Variants in SPEN observed in about 807,000 individuals in gnomAD.
The protein encoded by SPEN is spen family transcriptional repressor, also known as msx2-interacting protein.
Under a neutral mutation model 269.9 loss-of-function variants are expected in SPEN, and 18 were observed. The observed-to-expected ratio is 0.07, with a 90% CI of 0.05 to 0.10. The LOEUF is 0.10. SPEN is among the 10% of genes least tolerant of loss of function. The probability of loss-of-function intolerance (pLI) is 1.00; values close to 1 mark genes in which losing one functional copy is unlikely to be tolerated. For synonymous variants in SPEN, 1,726 were observed against 1,765.7 expected (o/e 0.98, Z 0.56); for missense variants, 3,822 against 4,631.2 (o/e 0.83, Z 5.07).
At chr1:15,901,294 G>A (rs530719702) in intron 3 of SPEN, among the ~76,000 whole-genome samples, 15 of 150,396 alleles carry the variant, frequency 1.0e-4, no homozygotes, top group Admixed American at 5.3e-4. Flanking sequence ...CAGCCTGAGC[G>A]AAAGAGTAGA....
intron 1 of SPEN, among the ~76,000 whole-genome samples, chr1:15,871,936 T>C (rs1175625547): frequency 6.6e-6 from 1 of 152,154 alleles, no homozygotes; most frequent in African/African-American, 2.4e-5. Flanking sequence ...TAAAAACTTC[T>C]GAGAAGTGTA....
In SPEN at chr1:15,848,757, C is replaced by T. The variant is rs1033045683; in HGVS notation, c.83+607C>T. Among the ~76,000 whole-genome samples, 1 of 152,196 alleles carries T rather than the reference C, an allele frequency of 6.6e-6. No individual in the cohort carries two copies. The highest frequency in any genetic ancestry group is 2.4e-5 in the African/African-American group (1 of 41,448). ...AACTCACTGGGAATGGCAAACGTTT[C>T]TCGTTTTTGCGGGGCTGGGTGGAGA... On this transcript the variant is annotated intron_variant, in intron 1 of 14. Transcript: ENST00000375759. This position sits in a 1 kb window ranked among gnomAD's most constrained non-coding sequence, Gnocchi z 5.1.
chr1:15,884,001 G>C (rs1179475100), intron 3 of SPEN, among the ~76,000 whole-genome samples: 2 of 151,806 alleles, frequency 1.3e-5, no homozygotes, highest in Admixed American at 1.3e-4. Flanking sequence ...AGTAGAGATG[G>C]GGGTTTCATC....
intron 9 of SPEN, 104 bp from the exon 10 acceptor site, chr1:15,922,145 A>G (rs974065293): frequency 6.2e-6 from 5 of 810,370 alleles, no homozygotes; most frequent in African/African-American, 5.2e-5. Flanking sequence ...GTTTCCTGAA[A>G]TTTTCTCAGA....
intron 1 of SPEN, among the ~76,000 whole-genome samples, chr1:15,862,327 T>C (rs779215597): frequency 4.6e-5 from 7 of 152,234 alleles, no homozygotes; most frequent in Non-Finnish European, 8.8e-5. Flanking sequence ...AAGTACTATG[T>C]AAATCAGATA....
chr1:15,889,164 C>CTTTTTTTTTTT (rs56721891), intron 3 of SPEN, among the ~76,000 whole-genome samples: 1 of 124,926 alleles, frequency 8.0e-6, no homozygotes. Context: ...CTTTTCTTTT[C>CTTTTTTTTTTT]TTTTTTTTTT....
chr1:15,861,296 T>C (rs1354602525), intron 1 of SPEN, among the ~76,000 whole-genome samples: 2 of 151,982 alleles, frequency 1.3e-5, no homozygotes, highest in Admixed American at 6.6e-5. Context: ...CACACCTGGC[T>C]AATTTTTGTA....
At chr1:15,899,343 C>A (rs971916812) in intron 3 of SPEN, among the ~76,000 whole-genome samples, 1 of 151,600 alleles carries the variant, frequency 6.6e-6, no homozygotes, top group African/African-American at 2.4e-5. Flanking sequence ...CCTGGCTAAT[C>A]GTTTTTGGTA....
rs760828308 is a variant in SPEN at position 15,935,562 on chromosome 1, A to G, written c.9322A>G (p.Ile3108Val). ...AATGAACACTCCCACGCTGCCCAGT[A>G]TCACCTACAGCATCCGGCCAGAAGC... is the stretch of plus-strand genomic sequence containing the variant. ...VRMNTPTLPS[I>V]TYSIRPEALH... The change falls in exon 11 of 15, where the codon ATC (isoleucine) becomes GTC (valine). Residue 3108 changes from isoleucine to valine, a missense_variant. Transcript: ENST00000375759. This position sits in a 1 kb window ranked among gnomAD's most constrained non-coding sequence, Gnocchi z 7.7. The G allele has an allele frequency of 6.2e-7, 1 of 1,613,980 alleles. No individual in the cohort carries two copies. The highest frequency in any genetic ancestry group is 1.1e-5 in the South Asian group (1 of 91,076).
chr1:15,864,637 G>T (rs1360153521), intron 1 of SPEN, among the ~76,000 whole-genome samples: 3 of 129,408 alleles, frequency 2.3e-5, no homozygotes, highest in Admixed American at 8.2e-5. Context: ...TTGAGACAAG[G>T]TCTCGCTCTG....
intron 1 of SPEN, among the ~76,000 whole-genome samples, chr1:15,871,466 A>G (rs971614565): frequency 6.6e-6 from 1 of 151,684 alleles, no homozygotes; most frequent in Non-Finnish European, 1.5e-5. Flanking sequence ...TTAGCCTCCC[A>G]AGTAGCTGGG....
In SPEN at chr1:15,905,800, C is replaced by G. The variant is rs545354451; in HGVS notation, c.882-3521C>G. ...ATGTTGGCCAGGATGGTCTTGATCTCTTGACCTCGTGATCTGCCTGCCTCA... is the reference window on the plus strand; with the variant it reads ...ATGTTGGCCAGGATGGTCTTGATCTGTTGACCTCGTGATCTGCCTGCCTCA... On this transcript the variant is annotated intron_variant, in intron 3 of 14. Coordinates refer to ENST00000375759, the MANE Select transcript of SPEN (RefSeq NM_015001.3). Among the ~76,000 whole-genome samples, 6 of 151,326 alleles carry G rather than the reference C, an allele frequency of 4.0e-5. No homozygotes were observed. In the South Asian group the frequency reaches 1.3e-3, roughly 32 times the overall value.
At chr1:15,936,376 TATGCCTGTA>T (rs2071275421) in intron 11 of SPEN, 110 bp downstream of exon 11, 4 of 1,398,456 alleles carry the variant, frequency 2.9e-6, no homozygotes, top group Non-Finnish European at 3.7e-6. Flanking sequence ...TGTGGTGGCT[TATGCCTGTA>T]ATCCCAGCAC....
At position 15,936,098 on chromosome 1, in the gene SPEN, T is replaced by C. The variant is rs920257640; in HGVS notation, c.9858T>C (p.Pro3286=). Residue 3286 remains proline (P), a synonymous_variant, in exon 11 of 15, where the codon CCT becomes CCC. Transcript: ENST00000375759. ...NQLQGLPLTP[P]VVVTHGVQIV... ...TCCAGGGGCTGCCTCTGACCCCTCC[T>C]GTGGTGGTGACCCATGGGGTGCAGA... 1 of 1,609,366 alleles carries C rather than the reference T, an allele frequency of 6.2e-7. No individual in the cohort carries two copies. Among genetic ancestry groups the C allele is most frequent in the African/African-American group, 1.3e-5 (1 of 74,540 alleles).
intron 3 of SPEN, among the ~76,000 whole-genome samples, chr1:15,902,031 C>T (rs150272086): frequency 4.7e-4 from 70 of 148,288 alleles, no homozygotes; most frequent in Middle Eastern, 7.1e-3. Flanking sequence ...CAGGTTCAAA[C>T]GATTCTCATG....
chr1:15,908,069 A>G (rs1422285111), intron 3 of SPEN, among the ~76,000 whole-genome samples: 1 of 152,172 alleles, frequency 6.6e-6, no homozygotes, highest in Non-Finnish European at 1.5e-5. Context: ...AGTAACTTAC[A>G]TAATATTTAT....
rs1458661674 is a variant in SPEN at position 15,934,110 on chromosome 1, C to T, written c.7870C>T (p.Arg2624Trp). ...TCCCAAAATTACCTCTGTTATTAGCCGGATGCCTGTCAGCATTGACCTGGA... is the reference window on the plus strand; with the variant it reads ...TCCCAAAATTACCTCTGTTATTAGCTGGATGCCTGTCAGCATTGACCTGGA... Reference protein sequence around the residue: ...IAPKITSVISRMPVSIDLENS... With the variant: ...IAPKITSVISWMPVSIDLENS... The change falls in exon 11 of 15, where the codon CGG becomes TGG. Residue 2624 changes from arginine (R) to tryptophan (W), a missense_variant. By Grantham distance (101) the Arg-to-Trp change is moderately radical. Around this residue, in one of 16 missense-constraint regions of SPEN, gnomAD observed 329 missense variants for 431.2 expected, o/e 0.76. Coordinates refer to ENST00000375759, the MANE Select transcript of SPEN (RefSeq NM_015001.3). This position sits in a 1 kb window ranked among gnomAD's most constrained non-coding sequence, Gnocchi z 9.2. 6.2e-7 allele frequency: 1 copy of T among 1,613,482 alleles called. No homozygotes were observed. The highest frequency in any genetic ancestry group is 8.5e-7 in the Non-Finnish European group (1 of 1,179,646).
chr1:15,876,359 A>C lies in SPEN; in HGVS notation c.562A>C (p.Ser188Arg). The change falls in exon 3 of 15, where the codon AGT becomes CGT. Residue 188 changes from serine to arginine, a missense_variant. Coordinates refer to ENST00000375759, the MANE Select transcript of SPEN (RefSeq NM_015001.3). ...ACATGGGCTCTATTACGCTTCTCGG[A>C]GTCGAAGTCCAAATCGCTTTGATGC... ...LQHGLYYASR[S>R]RSPNRFDAHD... 6.2e-7 allele frequency: 1 copy of C among 1,614,060 alleles called. No individual in the cohort carries two copies.
chr1:15,912,252 G>C (rs2071019357), intron 5 of SPEN, among the ~76,000 whole-genome samples: 2 of 152,216 alleles, frequency 1.3e-5, no homozygotes, highest in African/African-American at 4.8e-5. Context: ...TGCAGTACTT[G>C]TTTAAAAATG....
Sources: allele counts gnomAD v4.1 joint callset (sites outside exome capture counted in the v4.1 genomes callset), GRCh38; gene constraint gnomAD v4.1.1; regional missense constraint gnomAD v4.1.1; non-coding constraint Gnocchi (gnomAD v3.1); transcripts MANE v1.5; gene names NCBI Gene and HGNC (gene_info 2026-07-23, HGNC 2026-07-21).